The following TBCE variants were observed in gnomAD, a reference collection of about 807,000 sequenced individuals.
The protein encoded by TBCE is tubulin-specific chaperone E.
Under a neutral mutation model 77.0 loss-of-function variants are expected in TBCE, and 53 were observed. That is an observed-to-expected ratio of 0.69 (90% CI 0.55 to 0.87). TBCE has a LOEUF of 0.87. TBCE is among the 40% of genes least tolerant of loss of function. The pLI, the probability that TBCE is intolerant of heterozygous loss-of-function variation, is 0.00. For missense variants in TBCE, 624 were observed against 622.4 expected, an observed-to-expected ratio of 1.00 and a Z score of -0.03; for synonymous variants, 235 against 241.3, an observed-to-expected ratio of 0.97 and a Z score of 0.24.
Position 235,449,175 on chromosome 1 carries a change from G to A in TBCE, c.*413G>A, listed in dbSNP as rs879017593. 6 of 247,268 alleles carry A rather than the reference G, an allele frequency of 2.4e-5. No individual in the cohort carries two copies. The Admixed American group carries it at 3.1e-4, about 13-fold the overall frequency. The allele number at this position is 247,268 out of a possible 1,614,324, so 15.3% of individuals were successfully genotyped here. ...GAAATGATTTGGTTGGTCATTTTGG[G>A]AAATGTCCCTTAAACTTGGGGAGAC... On this transcript the variant is annotated 3_prime_UTR_variant, in exon 17 of 17. Transcript: ENST00000642610.
In TBCE at chr1:235,404,852, G is replaced by A. The variant is rs547459974; in HGVS notation, c.185+3265G>A. ...AATTTTTGTATTTTTAGTAGAGATGGGATTTCACCATGTTGGCCAGGCTGG... is the reference window on the plus strand; with the variant it reads ...AATTTTTGTATTTTTAGTAGAGATGAGATTTCACCATGTTGGCCAGGCTGG... On this transcript the variant is annotated intron_variant, in intron 3 of 16. Coordinates refer to ENST00000642610, the MANE Select transcript of TBCE (RefSeq NM_003193.5). Among the ~76,000 whole-genome samples the A allele has an allele frequency of 2.6e-3, 391 of 151,866 alleles. 2 individuals carry two copies. The highest frequency in any genetic ancestry group is 7.2e-3 in the Admixed American group (110 of 15,250).
chr1:235,408,258 A>T (rs1434139081), intron 3 of TBCE, among the ~76,000 whole-genome samples: 1 of 152,250 alleles, frequency 6.6e-6, no homozygotes, highest in Non-Finnish European at 1.5e-5. Flanking sequence ...GTGTGCCTGT[A>T]TCAAAATATT....
intron 3 of TBCE, among the ~76,000 whole-genome samples, chr1:235,406,016 T>A (rs1248362973): frequency 6.6e-6 from 1 of 152,258 alleles, no homozygotes; most frequent in Non-Finnish European, 1.5e-5. Context: ...CTTCATTATA[T>A]CGTCTAGTGT....
chr1:235,441,930 T>G (rs1220126757), intron 14 of TBCE, 48 bp downstream of exon 14: 1 of 1,528,978 alleles, frequency 6.5e-7, no homozygotes, highest in African/African-American at 1.4e-5. Flanking sequence ...AGTGCTTAGG[T>G]GCTGAAACAG....
chr1:235,427,515 C>T (rs1168735377), intron 6 of TBCE, among the ~76,000 whole-genome samples: 1 of 152,112 alleles, frequency 6.6e-6, no homozygotes, highest in Admixed American at 6.6e-5. Flanking sequence ...GACAGTTGAG[C>T]CAATCAGGTT....
chr1:235,393,274 C>T (rs12085363), intron 2 of TBCE, among the ~76,000 whole-genome samples: 20,722 of 152,222 alleles, frequency 0.14, 1,711 homozygotes, highest in African/African-American at 0.23. Context: ...CGTGGTGGCT[C>T]ACGCCTGTAA....
At chr1:235,412,118 CCATCCCTTTCCCTTCTCCTCCCCTT>C (rs1679816541) in intron 3 of TBCE, among the ~76,000 whole-genome samples, 1 of 111,398 alleles carries the variant, frequency 9.0e-6, no homozygotes. Flanking sequence ...CTTTCCCTTC[CCATCCCTTTCCCTTCTCCTCCCCTT>C]CCCCTCCCCT....
intron 2 of TBCE, among the ~76,000 whole-genome samples, chr1:235,387,135 G>A (rs887227656): frequency 2.5e-4 from 38 of 152,346 alleles, no homozygotes; most frequent in African/African-American, 7.9e-4. Flanking sequence ...CGCGAATGCT[G>A]CTGTCTGATC....
chr1:235,403,272 T>C (rs1308573737), intron 3 of TBCE, among the ~76,000 whole-genome samples: 3 of 152,106 alleles, frequency 2.0e-5, no homozygotes, highest in African/African-American at 7.2e-5. Context: ...AGTGGCGTGA[T>C]CTTGGCTCAC....
rs555825446 is a variant in TBCE at position 235,440,080 on chromosome 1, C to T, written c.1270+1158C>T. ...CCGCCTCCCGGGTTCACGCCATTCT[C>T]CTGCCTCAGCCTCCCGAGTGGCTGG... On this transcript the variant is annotated intron_variant, in intron 13 of 16. Transcript: ENST00000642610. Among the ~76,000 whole-genome samples, 36 of 152,328 alleles carry T rather than the reference C, an allele frequency of 2.4e-4. No individual in the cohort carries two copies. In the East Asian group the frequency reaches 6.4e-3, roughly 27 times the overall value.
chr1:235,443,088 C>G, intron 15 of TBCE, 177 bp downstream of exon 15: 1 of 649,764 alleles, frequency 1.5e-6, no homozygotes, highest in Non-Finnish European at 2.6e-6. Context: ...CTCCCCCATG[C>G]CCCCAAAAGT....
chr1:235,412,542 CTT>C (rs1398977566), intron 3 of TBCE, among the ~76,000 whole-genome samples: 2 of 151,024 alleles, frequency 1.3e-5, no homozygotes, highest in Non-Finnish European at 2.9e-5. Flanking sequence ...AAACTCCTGA[CTT>C]TAGGTGATCT....
intron 2 of TBCE, among the ~76,000 whole-genome samples, chr1:235,391,377 T>A (rs1678376007): frequency 6.6e-6 from 1 of 151,036 alleles, no homozygotes; most frequent in Non-Finnish European, 1.5e-5. Context: ...CCCAGCTACT[T>A]GTGAGGCTGA....
At chr1:235,418,315 C>G (rs1680213885) in intron 4 of TBCE, among the ~76,000 whole-genome samples, 1 of 152,194 alleles carries the variant, frequency 6.6e-6, no homozygotes, top group South Asian at 2.1e-4. Flanking sequence ...TATACCGTGG[C>G]CTTTTAGAGA....
At position 235,374,586 on chromosome 1, in the gene TBCE, C is replaced by T. The variant is rs1277751035; in HGVS notation, c.-31-5433C>T. On this transcript the variant is annotated intron_variant, in intron 1 of 16. Transcript: ENST00000642610. ...TGCAATCTGGGCTCACTGCAACCTC[C>T]GCCTCCTGGATTCAAGTGATTCTCC... is the stretch of plus-strand genomic sequence containing the variant. 1.4e-5 allele frequency among the ~76,000 whole-genome samples: 2 copies of T among 145,476 alleles called. 1 individual carries two copies. The highest frequency in any genetic ancestry group is 3.0e-5 in the Non-Finnish European group (2 of 66,514).
intron 13 of TBCE, among the ~76,000 whole-genome samples, chr1:235,439,998 C>T (rs949659809): frequency 4.0e-4 from 60 of 150,182 alleles, no homozygotes; most frequent in South Asian, 1.1e-3. Flanking sequence ...TGAGACGGAG[C>T]CTCGCTCTGT....
chr1:235,395,846 C>T (rs574724601), intron 2 of TBCE, among the ~76,000 whole-genome samples: 1 of 151,660 alleles, frequency 6.6e-6, no homozygotes, highest in Non-Finnish European at 1.5e-5. Flanking sequence ...TGCCCAGCCC[C>T]GTTCTACTTG....
At chr1:235,440,302 C>T (rs922740615) in intron 13 of TBCE, among the ~76,000 whole-genome samples, 6 of 151,524 alleles carry the variant, frequency 4.0e-5, no homozygotes, top group African/African-American at 1.2e-4. Flanking sequence ...AGGTTCTTCT[C>T]TTGCATATGT....
At chr1:235,436,957 A>T (rs1208777940) in intron 11 of TBCE, among the ~76,000 whole-genome samples, 1 of 134,190 alleles carries the variant, frequency 7.5e-6, no homozygotes, top group Non-Finnish European at 1.6e-5. Flanking sequence ...CATCTCTACT[A>T]AAAAAAAAAA....
Sources: allele counts gnomAD v4.1 joint callset (sites outside exome capture counted in the v4.1 genomes callset), GRCh38; gene constraint gnomAD v4.1.1; transcripts MANE v1.5; gene names NCBI Gene and HGNC (gene_info 2026-07-23, HGNC 2026-07-21).